Variants in CHN1 observed in about 807,000 individuals in gnomAD.
CHN1 encodes the protein N-chimaerin.
A neutral mutation model predicts 59.5 loss-of-function variants in CHN1; 37 were observed. The ratio of observed to expected loss-of-function variants is 0.62; its 90% CI spans 0.48 to 0.82. The LOEUF is 0.82. Ranked by LOEUF, CHN1 falls within the 40% of genes least tolerant of loss-of-function variation. CHN1 has a pLI of 0.00. For missense variants in CHN1, 469 were observed against 571.0 expected, an observed-to-expected ratio of 0.82 and a Z score of 1.82; for synonymous variants, 206 against 200.4, an observed-to-expected ratio of 1.03 and a Z score of -0.24.
chr2:174,837,533 G>A (rs779250348), intron 7 of CHN1, among the ~76,000 whole-genome samples: 3 of 152,086 alleles, frequency 2.0e-5, no homozygotes, highest in South Asian at 2.1e-4. Context: ...TACAAAACAC[G>A]CCAGTTCTAT....
At chr2:174,867,308 T>C (rs1336332204) in intron 6 of CHN1, among the ~76,000 whole-genome samples, 1 of 151,196 alleles carries the variant, frequency 6.6e-6, no homozygotes, top group South Asian at 2.1e-4. Flanking sequence ...ACTCGGGAGA[T>C]GGAGGTTGCA....
chr2:174,839,110 G>C (rs1686198570), intron 7 of CHN1, among the ~76,000 whole-genome samples: 1 of 151,966 alleles, frequency 6.6e-6, no homozygotes, highest in African/African-American at 2.4e-5. Flanking sequence ...GTTTTGAAAT[G>C]CAAATACATT....
intron 7 of CHN1, among the ~76,000 whole-genome samples, chr2:174,830,313 G>A (rs941181970): frequency 6.6e-6 from 1 of 152,134 alleles, no homozygotes; most frequent in East Asian, 1.9e-4. Flanking sequence ...TTATTATGCC[G>A]TGAAAAGAGA....
chr2:174,806,676 C>A (rs6752653), intron 11 of CHN1, among the ~76,000 whole-genome samples: 2 of 152,170 alleles, frequency 1.3e-5, no homozygotes, highest in South Asian at 2.1e-4. Flanking sequence ...TCCATCACAT[C>A]TCCTTTCTAA....
At chr2:174,838,956 G>A (rs1252455131) in intron 7 of CHN1, among the ~76,000 whole-genome samples, 1 of 151,816 alleles carries the variant, frequency 6.6e-6, no homozygotes, top group Admixed American at 6.6e-5. Context: ...GGCGGAAGTT[G>A]CAGTGAGCTG....
intron 8 of CHN1, among the ~76,000 whole-genome samples, chr2:174,821,295 G>A (rs1685486316): frequency 6.6e-6 from 1 of 152,102 alleles, no homozygotes; most frequent in Admixed American, 6.5e-5. Flanking sequence ...CTTGGCTTCT[G>A]GCTCCTTCCT....
At chr2:174,801,208 C>T (rs902026004) in intron 12 of CHN1, among the ~76,000 whole-genome samples, 1 of 152,186 alleles carries the variant, frequency 6.6e-6, no homozygotes, top group African/African-American at 2.4e-5. Context: ...CTCCCTTTAT[C>T]CCTTACTTCT....
At chr2:174,891,140 CAAAAAAA>C (rs58016502) in intron 5 of CHN1, among the ~76,000 whole-genome samples, 4,968 of 23,602 alleles carry the variant, frequency 0.21, 40 homozygotes, top group African/African-American at 0.24. Flanking sequence ...GACTCCATCT[CAAAAAAA>C]AAAAAAAAAA....
At chr2:174,943,320 G>C (rs371237026) in intron 3 of CHN1, among the ~76,000 whole-genome samples, 3 of 151,432 alleles carry the variant, frequency 2.0e-5, no homozygotes, top group African/African-American at 4.8e-5. Context: ...TCTGCCTCCC[G>C]GGTTCAAGCG....
chr2:174,877,321 A>G (rs1004907005), intron 6 of CHN1, among the ~76,000 whole-genome samples: 1 of 152,170 alleles, frequency 6.6e-6, no homozygotes, highest in Non-Finnish European at 1.5e-5. Flanking sequence ...AACAGATTAT[A>G]AAGAGATAAA....
At chr2:174,809,973 T>C (rs1425122383) in intron 10 of CHN1, among the ~76,000 whole-genome samples, 5 of 152,226 alleles carry the variant, frequency 3.3e-5, no homozygotes, top group African/African-American at 1.2e-4. Flanking sequence ...TCAGTCACTA[T>C]TTCCTAAGCT....
At chr2:174,858,979 T>TACACACAC (rs71407155) in intron 6 of CHN1, among the ~76,000 whole-genome samples, 2,834 of 142,394 alleles carry the variant, frequency 0.02, 38 homozygotes, top group African/African-American at 0.029. Flanking sequence ...TTTCCTCCTC[T>TACACACAC]ACACACACAC....
chr2:174,849,508 T>C (rs1328646157), intron 6 of CHN1, among the ~76,000 whole-genome samples: 2 of 152,224 alleles, frequency 1.3e-5, no homozygotes, highest in Non-Finnish European at 2.9e-5. Context: ...ACTTCTGCAT[T>C]AATTTTGGTG....
intron 5 of CHN1, among the ~76,000 whole-genome samples, chr2:174,906,147 T>C (rs977230925): frequency 3.3e-5 from 5 of 152,118 alleles, no homozygotes; most frequent in Non-Finnish European, 7.4e-5. Context: ...CATATGTTTA[T>C]ACAAAAACTT....
At chr2:174,851,408 T>G (rs1686725385) in intron 6 of CHN1, among the ~76,000 whole-genome samples, 1 of 152,096 alleles carries the variant, frequency 6.6e-6, no homozygotes, top group Admixed American at 6.5e-5. Flanking sequence ...GCCTCCTGAG[T>G]AGCAGGGACT....
intron 1 of CHN1, 87 bp downstream of exon 1, chr2:175,004,807 C>T: frequency 1.2e-6 from 1 of 815,654 alleles, no homozygotes; most frequent in Non-Finnish European, 1.5e-6. Flanking sequence ...GCGCCCCCTC[C>T]CCGGGCGCCC....
chr2:174,920,781 G>A (rs1030393409), intron 3 of CHN1, among the ~76,000 whole-genome samples: 21 of 152,164 alleles, frequency 1.4e-4, no homozygotes, highest in Non-Finnish European at 2.9e-5. Flanking sequence ...GGGCAGGAGC[G>A]GGGGTATGGT....
At chr2:174,864,284 T>A (rs1003792860) in intron 6 of CHN1, among the ~76,000 whole-genome samples, 50 of 152,202 alleles carry the variant, frequency 3.3e-4, no homozygotes, top group Admixed American at 7.9e-4. Flanking sequence ...AGGTCTTTTG[T>A]CAGTTTCAAA....
chr2:174,846,468 C>T (rs1379940777), intron 7 of CHN1: 1 of 1,493,134 alleles, frequency 6.7e-7, no homozygotes, highest in Non-Finnish European at 8.9e-7. Flanking sequence ...CTGCTCAATC[C>T]AGATGCAACA....
Sources: allele counts gnomAD v4.1 joint callset (sites outside exome capture counted in the v4.1 genomes callset), GRCh38; gene constraint gnomAD v4.1.1; transcripts MANE v1.5; gene names NCBI Gene and HGNC (gene_info 2026-07-23, HGNC 2026-07-21).